The following ZC3H18 variants were observed in gnomAD, a reference collection of about 807,000 sequenced individuals.
ZC3H18 encodes zinc finger CCCH domain-containing protein 18.
ZC3H18 carries 8 observed loss-of-function variants against 106.1 expected under a neutral mutation model. The observed-to-expected ratio is 0.08, with a 90% CI of 0.04 to 0.14. ZC3H18 has a LOEUF of 0.14. Among genes scored for constraint, ZC3H18 ranks in the 10% least tolerant of loss-of-function variants. The pLI, the probability that ZC3H18 is intolerant of heterozygous loss-of-function variation, is 1.00. For synonymous variants in ZC3H18, 635 were observed against 522.1 expected (o/e 1.22, Z -2.95); for missense variants, 1,318 against 1,278.4 (o/e 1.03, Z -0.47).
intron 6 of ZC3H18, among the ~76,000 whole-genome samples, chr16:88,602,635 A>T (rs540841322): frequency 2.0e-5 from 3 of 152,200 alleles, no homozygotes; most frequent in Non-Finnish European, 4.4e-5. Flanking sequence ...CAGGGACACA[A>T]ATTCTCTGAA....
intron 8 of ZC3H18, among the ~76,000 whole-genome samples, chr16:88,613,487 C>G (rs1905388677): frequency 6.6e-6 from 1 of 152,222 alleles, no homozygotes; most frequent in Non-Finnish European, 1.5e-5. Flanking sequence ...CGCCATCTCT[C>G]TGCATCCTTG....
At chr16:88,607,061 G>A (rs1266073757) in intron 6 of ZC3H18, among the ~76,000 whole-genome samples, 1 of 152,178 alleles carries the variant, frequency 6.6e-6, no homozygotes, top group African/African-American at 2.4e-5. Flanking sequence ...GCCCCGCCAG[G>A]AGTTTAGAGC....
At position 88,571,668 on chromosome 16, in the gene ZC3H18, A is replaced by C. The variant is rs999729686; in HGVS notation, c.-15+1102A>C. On this transcript the variant is annotated intron_variant, in intron 1 of 17. Coordinates refer to ENST00000301011, the MANE Select transcript of ZC3H18 (RefSeq NM_144604.4). Reference sequence around the variant, plus strand: ...CTTTGTGGAGTCACTCCAGAAAGCAAACAGGTAAGTTAACCTATGGCCTAC... The same window carrying C: ...CTTTGTGGAGTCACTCCAGAAAGCACACAGGTAAGTTAACCTATGGCCTAC... 7.1e-6 allele frequency: 7 copies of C among 985,346 alleles called. No individual in the cohort carries two copies. In the African/African-American group the frequency reaches 1.0e-4, roughly 15 times the overall value. The allele number at this position is 985,346 out of a possible 1,614,324, so 61.0% of individuals were successfully genotyped here.
At position 88,623,210 on chromosome 16, in the gene ZC3H18, C is replaced by T. The variant is rs745656841; in HGVS notation, c.1668-9C>T. On this transcript the variant is annotated splice_polypyrimidine_tract_variant and intron_variant, in intron 9 of 17. Transcript: ENST00000301011. The stretch of plus-strand genomic sequence containing the variant: ...CACTTCTCGCCACGCTCCGTCCCGC[C>T]CGCCCCAGGTCGTCTTCGCGGTCAT... 1.2e-6 allele frequency: 2 copies of T among 1,611,470 alleles called. No homozygotes were observed. The highest frequency in any genetic ancestry group is 1.3e-5 in the African/African-American group (1 of 74,910).
chr16:88,586,834 T>G (rs1597327230), intron 3 of ZC3H18, 150 bp downstream of exon 3: 2 of 621,236 alleles, frequency 3.2e-6, no homozygotes, highest in Non-Finnish European at 5.8e-6. Flanking sequence ...GTGGTGGTGG[T>G]GGTGGCAATA....
chr16:88,586,714 A>T, intron 3 of ZC3H18, 30 bp downstream of exon 3: 8 of 1,603,100 alleles, frequency 5.0e-6, no homozygotes, highest in Non-Finnish European at 6.8e-6. Context: ...GCCTTCTCGC[A>T]GCCAGCTGGG....
chr16:88,580,888 G>A (rs142818174), intron 2 of ZC3H18, among the ~76,000 whole-genome samples: 1 of 152,184 alleles, frequency 6.6e-6, no homozygotes, highest in African/African-American at 2.4e-5. Context: ...CTACTACCCA[G>A]ATGTTTCTCT....
At chr16:88,626,681 T>C (rs1222616557) in intron 13 of ZC3H18, 1 of 147,016 alleles carries the variant, frequency 6.8e-6, no homozygotes, top group Non-Finnish European at 1.5e-5. Context: ...TCTGAAATGT[T>C]TTAAAGACCT....
intron 2 of ZC3H18, among the ~76,000 whole-genome samples, chr16:88,580,201 T>G (rs750937737): frequency 1.3e-5 from 1 of 75,164 alleles, no homozygotes; most frequent in Non-Finnish European, 3.2e-5. Context: ...TGTGTGTGTG[T>G]GTGTGTGTAT....
chr16:88,583,345 A>G (rs1037824376), intron 2 of ZC3H18, among the ~76,000 whole-genome samples: 1 of 152,264 alleles, frequency 6.6e-6, no homozygotes, highest in Non-Finnish European at 1.5e-5. Flanking sequence ...TTCCTTTGAA[A>G]TGGAGGACTC....
chr16:88,622,589 G>A, intron 9 of ZC3H18: 1 of 605,554 alleles, frequency 1.7e-6, no homozygotes, highest in East Asian at 3.0e-5. Context: ...CTGACGCAGT[G>A]ACCCCAAATG....
chr16:88,623,505 C>T (rs758965286), intron 10 of ZC3H18, 161 bp downstream of exon 10: 12 of 941,298 alleles, frequency 1.3e-5, no homozygotes, highest in Admixed American at 5.8e-5. Context: ...GTGTCCCCCA[C>T]CAAACACCAG....
At chr16:88,630,762 CCCCACACA>C (rs1597364869) in intron 17 of ZC3H18, among the ~76,000 whole-genome samples, 181 bp downstream of exon 17, 3 of 111,182 alleles carry the variant, frequency 2.7e-5, no homozygotes, top group Non-Finnish European at 4.2e-5. Flanking sequence ...CCCCACCCCC[CCCCACACA>C]CACACACACG....
At chr16:88,587,556 T>C in intron 3 of ZC3H18, 1 of 1,536,132 alleles carries the variant, frequency 6.5e-7, no homozygotes, top group South Asian at 1.2e-5. Context: ...TGTGACACCA[T>C]TATCCACTCT....
intron 10 of ZC3H18, chr16:88,623,590 A>G: frequency 3.4e-6 from 2 of 587,714 alleles, no homozygotes; most frequent in South Asian, 2.1e-5. Flanking sequence ...GAGTTGAGGC[A>G]CTCCAGTCCT....
rs959648504 is a variant in ZC3H18 at position 88,622,077 on chromosome 16, C to T, written c.1476-120C>T. 3.3e-6 allele frequency: 4 copies of T among 1,228,914 alleles called. No homozygotes were observed. In the Admixed American group the frequency reaches 8.6e-5, roughly 26 times the overall value. The allele number at this position is 1,228,914 out of a possible 1,614,324, so 76.1% of individuals were successfully genotyped here. A position where few individuals can be genotyped will look rare whatever the true frequency, so the allele number is the denominator to read the frequency against. On this transcript the variant is annotated intron_variant, in intron 8 of 17. Transcript: ENST00000301011. The stretch of plus-strand genomic sequence containing the variant: ...TTTTTCCCCTTAGGACCCTTTGTTT[C>T]TCAGGTGATCCTTAAATAAGCCAGG...
intron 17 of ZC3H18, 139 bp from the exon 18 acceptor site, chr16:88,630,962 G>A: frequency 1.9e-6 from 2 of 1,068,512 alleles, no homozygotes; most frequent in Non-Finnish European, 2.7e-6. Context: ...GTGGCAGTGG[G>A]AGCCTGGCCA....
At chr16:88,591,163 A>C (rs901733690) in intron 3 of ZC3H18, among the ~76,000 whole-genome samples, 1 of 151,430 alleles carries the variant, frequency 6.6e-6, no homozygotes, top group African/African-American at 2.4e-5. Flanking sequence ...GTAGAGACGG[A>C]GTTTCACTGT....
chr16:88,599,855 T>C lies in ZC3H18; in HGVS notation c.995T>C (p.Val332Ala), dbSNP rs768059009. The C allele has an allele frequency of 1.9e-6, 3 of 1,614,184 alleles. No homozygotes were observed. The Admixed American group carries it at 5.0e-5, about 27-fold the overall frequency. ...GATTTTGAAGAGAAAAGGTTTACGGTGACCATTGGCGAAGACGAACGGGAA... is the reference window on the plus strand; with the variant it reads ...GATTTTGAAGAGAAAAGGTTTACGGCGACCATTGGCGAAGACGAACGGGAA... Reference protein sequence around the residue: ...EPDFEEKRFTVTIGEDEREFD... With the variant: ...EPDFEEKRFTATIGEDEREFD... The change falls in exon 6 of 18, where the codon GTG (valine) becomes GCG (alanine). Residue 332 changes from valine to alanine, a missense_variant. This residue lies in a region of ZC3H18 where 848 missense variants were observed against 821.7 expected (regional missense o/e 1.03). Coordinates refer to ENST00000301011, the MANE Select transcript of ZC3H18 (RefSeq NM_144604.4).
Sources: allele counts gnomAD v4.1 joint callset (sites outside exome capture counted in the v4.1 genomes callset), GRCh38; gene constraint gnomAD v4.1.1; regional missense constraint gnomAD v4.1.1; transcripts MANE v1.5; gene names NCBI Gene and HGNC (gene_info 2026-07-23, HGNC 2026-07-21).